LNP1: variants seen among roughly 807,000 people sequenced by gnomAD.
LNP1 encodes the protein leukemia NUP98 fusion partner 1.
LNP1 carries 12 observed loss-of-function variants against 14.5 expected under a neutral mutation model. The ratio of observed to expected loss-of-function variants is 0.83; its 90% CI spans 0.53 to 1.34. LNP1 has a LOEUF of 1.34. LNP1 is among the 40% of genes most tolerant of loss of function. The pLI is 0.00. For synonymous variants in LNP1, 75 were observed against 71.4 expected (o/e 1.05, Z -0.26); for missense variants, 198 against 210.9 (o/e 0.94, Z 0.38).
intron 1 of LNP1, among the ~76,000 whole-genome samples, chr3:100,410,171 A>G (rs957356124): frequency 7.2e-5 from 11 of 152,188 alleles, no homozygotes; most frequent in African/African-American, 2.4e-4. Context: ...CCTGCTAGAA[A>G]AAGCCAACAT....
chr3:100,427,072 G>A (rs890491319), intron 1 of LNP1, among the ~76,000 whole-genome samples: 2 of 151,890 alleles, frequency 1.3e-5, no homozygotes, highest in Non-Finnish European at 2.9e-5. Flanking sequence ...GGAATGCAAG[G>A]GGCTGCTGTA....
chr3:100,423,400 G>A (rs776490888), intron 1 of LNP1, among the ~76,000 whole-genome samples: 2 of 152,198 alleles, frequency 1.3e-5, no homozygotes, highest in Non-Finnish European at 2.9e-5. Context: ...GCTCACTCCT[G>A]TAATCCTAAC....
At chr3:100,441,981 A>T (rs1397447348) in intron 2 of LNP1, among the ~76,000 whole-genome samples, 2 of 151,996 alleles carry the variant, frequency 1.3e-5, no homozygotes, top group African/African-American at 2.4e-5. Flanking sequence ...TTATATTTTT[A>T]TATAGTAAAG....
chr3:100,437,983 T>C (rs1707307186), intron 2 of LNP1, among the ~76,000 whole-genome samples: 1 of 152,192 alleles, frequency 6.6e-6, no homozygotes, highest in Non-Finnish European at 1.5e-5. Context: ...TTTCCTCATA[T>C]GTAAAAGGGG....
At chr3:100,442,638 T>G (rs1322364822) in intron 2 of LNP1, among the ~76,000 whole-genome samples, 1 of 152,202 alleles carries the variant, frequency 6.6e-6, no homozygotes, top group African/African-American at 2.4e-5. Flanking sequence ...TATGCATTTA[T>G]CTCAGTGAGC....
chr3:100,446,482 A>C (rs550782085), intron 2 of LNP1, among the ~76,000 whole-genome samples: 1 of 152,358 alleles, frequency 6.6e-6, no homozygotes, highest in South Asian at 2.1e-4. Flanking sequence ...TATTAGACCT[A>C]AAACCATAAA....
chr3:100,444,278 G>C (rs1168379354), intron 2 of LNP1, among the ~76,000 whole-genome samples: 1 of 152,120 alleles, frequency 6.6e-6, no homozygotes, highest in Admixed American at 6.6e-5. Context: ...AGACACAATT[G>C]ACAAGGAAAA....
At chr3:100,423,635 TAC>T (rs1174713547) in intron 1 of LNP1, among the ~76,000 whole-genome samples, 4 of 152,192 alleles carry the variant, frequency 2.6e-5, no homozygotes. Flanking sequence ...TTTATGAGAA[TAC>T]ACACACTGCA....
intron 1 of LNP1, among the ~76,000 whole-genome samples, chr3:100,405,232 C>A (rs180706953): frequency 5.1e-4 from 77 of 152,278 alleles, no homozygotes; most frequent in African/African-American, 1.7e-3. Context: ...TTTATATACA[C>A]ACATAAACAC....
chr3:100,447,144 G>A (rs1321738699), intron 2 of LNP1, among the ~76,000 whole-genome samples: 2 of 152,132 alleles, frequency 1.3e-5, no homozygotes, highest in East Asian at 3.8e-4. Flanking sequence ...AAAGACACAT[G>A]TACACATATA....
chr3:100,418,255 A>G (rs1707107623), intron 1 of LNP1, among the ~76,000 whole-genome samples: 1 of 150,994 alleles, frequency 6.6e-6, no homozygotes, highest in Non-Finnish European at 1.5e-5. Context: ...TTTTTAGCCA[A>G]CGATGTTGGC....
chr3:100,455,828 A>T lies in LNP1; in HGVS notation c.439A>T (p.Ile147Leu), dbSNP rs764276017. ...RNERECLRME[I>L]KSRKKVEEER... ...TGAAAGAGAATGCCTGAGGATGGAG[A>T]TAAAATCCCGAAAGAAAGTAGAGGA... Residue 147 changes from isoleucine (I) to leucine (L), a missense_variant, in exon 4 of 4, where the codon ATA (isoleucine) becomes TTA (leucine). Coordinates refer to ENST00000383693, the MANE Select transcript of LNP1 (RefSeq NM_001085451.2). 1.2e-6 allele frequency: 2 copies of T among 1,614,080 alleles called. No homozygotes were observed. Among genetic ancestry groups the T allele is most frequent in the Non-Finnish European group, 1.7e-6 (2 of 1,179,932 alleles).
At chr3:100,425,969 C>G (rs1707188711) in intron 1 of LNP1, among the ~76,000 whole-genome samples, 1 of 152,130 alleles carries the variant, frequency 6.6e-6, no homozygotes, top group Non-Finnish European at 1.5e-5. Flanking sequence ...TTGCAAATTT[C>G]AAAATACTCT....
chr3:100,428,509 G>A (rs188065212), intron 1 of LNP1, among the ~76,000 whole-genome samples: 6 of 149,538 alleles, frequency 4.0e-5, no homozygotes, highest in African/African-American at 1.5e-4. Flanking sequence ...TCCAGCCTGG[G>A]CAACAGGACG....
At chr3:100,403,816 G>GAGA (rs1340915691) in intron 1 of LNP1, among the ~76,000 whole-genome samples, 2 of 152,320 alleles carry the variant, frequency 1.3e-5, no homozygotes, top group East Asian at 3.9e-4. Context: ...TCTTTATAAT[G>GAGA]TGAGGAGGGG....
At chr3:100,408,940 G>A (rs1706998103) in intron 1 of LNP1, among the ~76,000 whole-genome samples, 1 of 152,020 alleles carries the variant, frequency 6.6e-6, no homozygotes, top group South Asian at 2.1e-4. Flanking sequence ...CTCTCGTGAA[G>A]GTATTTTATA....
At chr3:100,450,013 C>G (rs1045218610) in intron 2 of LNP1, among the ~76,000 whole-genome samples, 1 of 151,278 alleles carries the variant, frequency 6.6e-6, no homozygotes, top group Non-Finnish European at 1.5e-5. Context: ...AATAAAGACT[C>G]TTAAGTAGTC....
At chr3:100,426,014 T>A (rs1419759028) in intron 1 of LNP1, among the ~76,000 whole-genome samples, 1 of 152,152 alleles carries the variant, frequency 6.6e-6, no homozygotes, top group Non-Finnish European at 1.5e-5. Context: ...CAGTGAGCTA[T>A]CCCATAAGGG....
rs146388224 is a variant in LNP1, at chr3:100,401,637, C to G, written c.-836C>G. ...CCGAGAAACCAACGGATTAGAAGGA[C>G]TTTTAAAGATGTGTGAGGAAAGAGC... On this transcript the variant is annotated 5_prime_UTR_variant, in exon 1 of 4. Coordinates refer to ENST00000383693, the MANE Select transcript of LNP1 (RefSeq NM_001085451.2). 2.6e-5 allele frequency: 4 copies of G among 152,436 alleles called. No homozygotes were observed. The highest frequency in any genetic ancestry group is 2.6e-4 in the Admixed American group (4 of 15,284). 9.4% of individuals were successfully genotyped at this position (152,436 alleles called of 1,614,324 possible).
Sources: gnomAD v4.1 joint callset for allele counts (sites outside exome capture counted in the v4.1 genomes callset) on GRCh38, gnomAD v4.1.1 for gene constraint, MANE v1.5 for transcripts, NCBI Gene and HGNC (gene_info 2026-07-23, HGNC 2026-07-21) for gene names.